Variants in USP34 observed in about 807,000 individuals in gnomAD.
USP34 encodes ubiquitin carboxyl-terminal hydrolase 34.
A neutral mutation model predicts 460.3 loss-of-function variants in USP34; 70 were observed. That is an observed-to-expected ratio of 0.15 (90% CI 0.13 to 0.19). The LOEUF (loss-of-function observed/expected upper bound fraction) is 0.19, where lower values mean the gene tolerates loss of function less well. Among genes scored for constraint, USP34 ranks in the 10% least tolerant of loss-of-function variants. The pLI, the probability that USP34 is intolerant of heterozygous loss-of-function variation, is 1.00. For synonymous variants in USP34, 1,647 were observed against 1,405.3 expected, an observed-to-expected ratio of 1.17 and a Z score of -3.85; for missense variants, 3,985 against 4,236.2, an observed-to-expected ratio of 0.94 and a Z score of 1.65.
intron 42 of USP34, 93 bp from the exon 43 acceptor site, chr2:61,265,650 T>G: frequency 8.4e-7 from 1 of 1,190,584 alleles, no homozygotes; most frequent in East Asian, 2.5e-5. Flanking sequence ...CCTCCATTAG[T>G]TACCTCATTA....
intron 78 of USP34, 81 bp from the exon 79 acceptor site, chr2:61,189,150 T>TA: frequency 2.1e-6 from 3 of 1,432,018 alleles, no homozygotes; most frequent in Non-Finnish European, 2.8e-6. Flanking sequence ...TGCAGATGTT[T>TA]ATTTTCCCAG....
intron 33 of USP34, 32 bp downstream of exon 33, chr2:61,293,432 G>T (rs1458234961): frequency 6.6e-7 from 1 of 1,524,404 alleles, no homozygotes; most frequent in African/African-American, 1.4e-5. Flanking sequence ...GATAACTACT[G>T]TAACTAGTTG....
At chr2:61,253,497 T>G (rs1688641468) in intron 48 of USP34, among the ~76,000 whole-genome samples, 1 of 152,238 alleles carries the variant, frequency 6.6e-6, no homozygotes, top group Admixed American at 6.5e-5. Context: ...ACGCTTTCAT[T>G]TGACTATGTC....
At chr2:61,315,357 AC>A (rs1225871083) in intron 23 of USP34, among the ~76,000 whole-genome samples, 1 of 151,908 alleles carries the variant, frequency 6.6e-6, no homozygotes, top group Non-Finnish European at 1.5e-5. Context: ...ACATATGCTA[AC>A]TCAAGTTCTC....
intron 34 of USP34, among the ~76,000 whole-genome samples, chr2:61,288,240 C>G (rs1689745235): frequency 6.6e-6 from 1 of 152,190 alleles, no homozygotes; most frequent in Non-Finnish European, 1.5e-5. Flanking sequence ...GATAACCCAA[C>G]CACTTCCCTA....
intron 51 of USP34, 149 bp from the exon 52 acceptor site, chr2:61,241,968 A>G: frequency 2.1e-6 from 1 of 468,752 alleles, no homozygotes; most frequent in Non-Finnish European, 3.7e-6. Context: ...TAAAAATTCT[A>G]CGTACTTCAC....
At chr2:61,324,460 A>T (rs965290397) in intron 21 of USP34, among the ~76,000 whole-genome samples, 1 of 152,166 alleles carries the variant, frequency 6.6e-6, no homozygotes, top group Non-Finnish European at 1.5e-5. Flanking sequence ...GGACAGCAAG[A>T]TTCTACAAGC....
intron 2 of USP34, chr2:61,416,970 A>G: frequency 7.7e-7 from 1 of 1,295,862 alleles, no homozygotes; most frequent in Non-Finnish European, 1.1e-6. Context: ...GCCGCTTCTC[A>G]GCCACCATAT....
chr2:61,265,670 G>A (rs559146250), intron 42 of USP34, 113 bp from the exon 43 acceptor site: 2 of 866,156 alleles, frequency 2.3e-6, no homozygotes, highest in East Asian at 3.2e-5. Flanking sequence ...AATATATATA[G>A]AACATTATAT....
At chr2:61,271,070 G>A (rs1478840640) in intron 41 of USP34, among the ~76,000 whole-genome samples, 1 of 152,068 alleles carries the variant, frequency 6.6e-6, no homozygotes, top group African/African-American at 2.4e-5. Flanking sequence ...GATCATCTGA[G>A]GTCAGGAATT....
Position 61,222,939 on chromosome 2 carries a change from C to A in USP34, c.7749+121G>T, listed in dbSNP as rs1687626778. The A allele has an allele frequency of 3.4e-6, 3 of 881,238 alleles. No homozygotes were observed. The South Asian group carries it at 5.4e-5, about 16-fold the overall frequency. The allele number at this position is 881,238 out of a possible 1,614,324, so 54.6% of individuals were successfully genotyped here. ...CTCAAACTCCTAGGCTCAAGCGATC[C>A]TCCCGCCTTGGCCTCCCAAAGTGCT... On this transcript the variant is annotated intron_variant, in intron 64 of 79. Coordinates refer to ENST00000398571, the MANE Select transcript of USP34 (RefSeq NM_014709.4).
At chr2:61,394,735 TAAA>T (rs939104540) in intron 5 of USP34, 115 bp downstream of exon 5, 2 of 745,414 alleles carry the variant, frequency 2.7e-6, no homozygotes, top group East Asian at 3.3e-5. Context: ...TTTGTCAAAA[TAAA>T]AAAAAATTAC....
chr2:61,303,929 G>T (rs1408078975), intron 27 of USP34, among the ~76,000 whole-genome samples: 1 of 151,816 alleles, frequency 6.6e-6, no homozygotes, highest in African/African-American at 2.4e-5. Context: ...GAGGAGTCTC[G>T]CTCTGTCGCC....
chr2:61,409,219 A>C (rs1221021517), intron 2 of USP34, among the ~76,000 whole-genome samples: 2 of 151,726 alleles, frequency 1.3e-5, no homozygotes, highest in Non-Finnish European at 2.9e-5. Context: ...GACTGTCTCA[A>C]AAAACATAAA....
intron 76 of USP34, 107 bp downstream of exon 76, chr2:61,192,793 TA>T: frequency 2.5e-6 from 2 of 800,358 alleles, no homozygotes; most frequent in Non-Finnish European, 1.9e-6. Context: ...ATCAAGATTC[TA>T]AAATGTCCCC....
At chr2:61,448,072 G>A (rs563846705) in intron 1 of USP34, among the ~76,000 whole-genome samples, 2 of 152,340 alleles carry the variant, frequency 1.3e-5, no homozygotes, top group African/African-American at 4.8e-5. Flanking sequence ...ATGTTTGGGA[G>A]TAAGGAATAC....
intron 51 of USP34, among the ~76,000 whole-genome samples, chr2:61,243,862 G>A (rs1164867304): frequency 1.4e-5 from 2 of 147,550 alleles, no homozygotes; most frequent in African/African-American, 5.0e-5. Context: ...GAGTGAGACT[G>A]TCTCAAAAAA....
At chr2:61,350,947 G>C (rs72886843) in intron 10 of USP34, among the ~76,000 whole-genome samples, 2,247 of 152,296 alleles carry the variant, frequency 0.015, 66 homozygotes, top group African/African-American at 0.05. Context: ...GGAAGGCTGG[G>C]CGTGGTGGCT....
intron 1 of USP34, among the ~76,000 whole-genome samples, chr2:61,437,289 A>G (rs749672277): frequency 1.3e-5 from 2 of 152,168 alleles, no homozygotes; most frequent in Non-Finnish European, 2.9e-5. Flanking sequence ...CTTTAGCTAG[A>G]CTAAGGAAAA....
Sources: allele counts gnomAD v4.1 joint callset (sites outside exome capture counted in the v4.1 genomes callset), GRCh38; gene constraint gnomAD v4.1.1; transcripts MANE v1.5; gene names NCBI Gene and HGNC (gene_info 2026-07-23, HGNC 2026-07-21).